Variants in AGMO observed in about 807,000 individuals in gnomAD.
AGMO encodes glyceryl-ether monooxygenase.
Under a neutral mutation model 60.2 loss-of-function variants are expected in AGMO, and 75 were observed. The ratio of observed to expected loss-of-function variants is 1.25; its 90% CI spans 1.03 to 1.51. AGMO has a LOEUF of 1.51. AGMO is among the 40% of genes most tolerant of loss of function. AGMO has a pLI of 0.00. For synonymous variants in AGMO, 261 were observed against 177.1 expected (o/e 1.47, Z -3.76); for missense variants, 763 against 525.5 (o/e 1.45, Z -4.42).
the AGMO span, among the ~76,000 whole-genome samples, chr7:15,137,299 G>A: frequency 2.6e-5 from 4 of 152,032 alleles, no homozygotes; most frequent in Admixed American, 6.5e-5. Context: ...TTTTTTATAC[G>A]TTTTCCTCAG....
intron 2 of AGMO, among the ~76,000 whole-genome samples, chr7:15,551,772 C>T (rs1784967400): frequency 6.6e-6 from 1 of 151,492 alleles, no homozygotes; most frequent in South Asian, 2.1e-4. Flanking sequence ...CAATGCCATC[C>T]CCATAAAGCT....
the AGMO span, among the ~76,000 whole-genome samples, chr7:15,122,726 A>G: frequency 7.2e-5 from 11 of 152,206 alleles, no homozygotes; most frequent in African/African-American, 2.6e-4. Flanking sequence ...TAAAATTTCA[A>G]AAATCTGTCC....
chr7:15,225,259 C>T (rs1332480317), intron 12 of AGMO, among the ~76,000 whole-genome samples: 1 of 151,862 alleles, frequency 6.6e-6, no homozygotes, highest in Non-Finnish European at 1.5e-5. Flanking sequence ...TTATCCGTTC[C>T]CCTGAAGTTG....
intron 12 of AGMO, among the ~76,000 whole-genome samples, chr7:15,305,181 A>G (rs1306091241): frequency 6.6e-6 from 1 of 150,904 alleles, no homozygotes; most frequent in Non-Finnish European, 1.5e-5. Context: ...CCATCCTGCT[A>G]TTCTCCACCA....
intron 5 of AGMO, among the ~76,000 whole-genome samples, chr7:15,417,555 T>A (rs981361781): frequency 1.3e-5 from 2 of 152,240 alleles, no homozygotes; most frequent in Non-Finnish European, 2.9e-5. Context: ...AGAGTCAGAA[T>A]TGGCCGCAAC....
rs773698876 is a variant in AGMO, at chr7:15,394,172, T to C, written c.617A>G (p.Asn206Ser). 1.2e-6 allele frequency: 2 copies of C among 1,606,208 alleles called. No individual in the cohort carries two copies. Among genetic ancestry groups the C allele is most frequent in the Middle Eastern group, 1.7e-4 (1 of 6,048 alleles). Residue 206 changes from asparagine (N) to serine (S), a missense_variant, in exon 6 of 13, where the codon AAT becomes AGT. By Grantham distance (46) the Asn-to-Ser change is conservative. Coordinates refer to ENST00000342526, the MANE Select transcript of AGMO (RefSeq NM_001004320.2). ...YQFWIHTEVI[N>S]NLGPLELILN... The stretch of plus-strand genomic sequence containing the variant: ...AATCAGTTCCAAAGGACCAAGGTTA[T>C]TGATGACCTGTTTAAAACAGAAGGA...
the AGMO span, among the ~76,000 whole-genome samples, chr7:15,192,883 C>T: frequency 6.6e-6 from 1 of 152,150 alleles, no homozygotes; most frequent in East Asian, 1.9e-4. Flanking sequence ...TCAATGTCAC[C>T]AAAGCAAATT....
At chr7:15,365,211 A>G (rs76631503) in intron 12 of AGMO, among the ~76,000 whole-genome samples, 2 of 151,502 alleles carry the variant, frequency 1.3e-5, no homozygotes, top group Non-Finnish European at 2.9e-5. Context: ...CAATTCTTCC[A>G]CTTCTTGAGA....
chr7:15,418,148 C>T (rs1780826488), intron 5 of AGMO, among the ~76,000 whole-genome samples: 1 of 151,830 alleles, frequency 6.6e-6, no homozygotes, highest in Admixed American at 6.6e-5. Context: ...AATTTCTATA[C>T]AATTTTTAAG....
chr7:15,395,137 G>C (rs966799433), intron 5 of AGMO, among the ~76,000 whole-genome samples: 1 of 152,142 alleles, frequency 6.6e-6, no homozygotes. Context: ...TGATTTGTTA[G>C]AGCCTACCAA....
At chr7:15,322,282 T>C (rs2128539185) in intron 12 of AGMO, among the ~76,000 whole-genome samples, 1 of 147,544 alleles carries the variant, frequency 6.8e-6, no homozygotes, top group South Asian at 2.1e-4. Flanking sequence ...AGACGCCACT[T>C]AAAAAAACAA....
intron 12 of AGMO, among the ~76,000 whole-genome samples, chr7:15,324,029 T>C (rs1781261902): frequency 6.6e-6 from 1 of 152,206 alleles, no homozygotes; most frequent in Non-Finnish European, 1.5e-5. Context: ...CATATTTATG[T>C]AATTGTTCTA....
chr7:15,212,132 A>G (rs1781608761), intron 12 of AGMO, among the ~76,000 whole-genome samples: 1 of 151,940 alleles, frequency 6.6e-6, no homozygotes, highest in Admixed American at 6.6e-5. Context: ...TTCAGTCCAG[A>G]CTCAATGTAG....
chr7:15,339,891 A>G (rs1424073691), intron 12 of AGMO, among the ~76,000 whole-genome samples: 1 of 152,184 alleles, frequency 6.6e-6, no homozygotes, highest in African/African-American at 2.4e-5. Flanking sequence ...TGCTATGTTC[A>G]TTATTAATAT....
rs140556667 is a variant in AGMO at position 15,378,472 on chromosome 7, G to A, written c.1074+6974C>T. On this transcript the variant is annotated intron_variant, in intron 10 of 12. Transcript: ENST00000342526. ...GTAGTGTTTTCTCCGTCCCTTTATG[G>A]GATCAAATCAACAAGGATTCCTAAC... 1.2e-3 allele frequency among the ~76,000 whole-genome samples: 176 copies of A among 151,942 alleles called. 2 individuals are homozygous for A. The highest frequency in any genetic ancestry group is 4.1e-3 in the African/African-American group (171 of 41,412).
chr7:15,237,459 A>T (rs1026765411), intron 12 of AGMO, among the ~76,000 whole-genome samples: 12 of 152,076 alleles, frequency 7.9e-5, no homozygotes, highest in African/African-American at 2.9e-4. Context: ...ATGTCTACAG[A>T]ATATACTTCG....
intron 3 of AGMO, among the ~76,000 whole-genome samples, chr7:15,536,372 T>C (rs2128544573): frequency 6.6e-6 from 1 of 152,094 alleles, no homozygotes; most frequent in South Asian, 2.1e-4. Context: ...TAATTTTCTA[T>C]ATTACTATTA....
At chr7:15,475,015 T>C (rs2128514518) in intron 3 of AGMO, among the ~76,000 whole-genome samples, 1 of 152,162 alleles carries the variant, frequency 6.6e-6, no homozygotes, top group South Asian at 2.1e-4. Context: ...CCAGTTAGAA[T>C]GGTGATCATT....
At chr7:15,164,376 AC>A in the AGMO span, among the ~76,000 whole-genome samples, 9 of 152,136 alleles carry the variant, frequency 5.9e-5, no homozygotes, top group Admixed American at 5.2e-4. Context: ...GCAACAAAAA[AC>A]AAAAATAGAC....
Sources: gnomAD v4.1 joint callset for allele counts (sites outside exome capture counted in the v4.1 genomes callset) on GRCh38, gnomAD v4.1.1 for gene constraint, MANE v1.5 for transcripts, NCBI Gene and HGNC (gene_info 2026-07-23, HGNC 2026-07-21) for gene names.